The following STAM2 variants were observed in gnomAD, a reference collection of about 807,000 sequenced individuals.
The protein encoded by STAM2 is signal transducing adapter molecule 2.
In STAM2, 51 loss-of-function variants were observed where a neutral mutation model predicts 65.6. The ratio of observed to expected loss-of-function variants is 0.78; its 90% CI spans 0.62 to 0.98. The LOEUF (loss-of-function observed/expected upper bound fraction) is 0.98. Ranked by LOEUF, STAM2 falls within the 50% of genes least tolerant of loss-of-function variation. The probability of loss-of-function intolerance (pLI) is 0.00; values close to 1 mark genes in which losing one functional copy is unlikely to be tolerated. For missense variants in STAM2, 584 were observed against 617.8 expected (o/e 0.95, Z 0.58); for synonymous variants, 198 against 208.4 (o/e 0.95, Z 0.43).
chr2:152,125,433 C>T (rs1688946869), intron 12 of STAM2, among the ~76,000 whole-genome samples: 2 of 152,184 alleles, frequency 1.3e-5, no homozygotes, highest in Non-Finnish European at 2.9e-5. Context: ...TGCACCTTTA[C>T]ATACCAGTTT....
chr2:152,129,825 A>T (rs1333905859), intron 11 of STAM2, among the ~76,000 whole-genome samples: 1 of 152,240 alleles, frequency 6.6e-6, no homozygotes, highest in Non-Finnish European at 1.5e-5. Context: ...CGAGATATTT[A>T]ATGCTTTCTC....
chr2:152,122,074 A>ATGTGTGTGTGTG (rs1255769897), intron 13 of STAM2, among the ~76,000 whole-genome samples: 51 of 135,612 alleles, frequency 3.8e-4, no homozygotes, highest in African/African-American at 9.2e-4. Context: ...ATATATATAT[A>ATGTGTGTGTGTG]TATGTGTGTG....
Position 152,120,608 on chromosome 2 carries a change from T to C in STAM2, c.1544A>G (p.Gln515Arg), listed in dbSNP as rs1688833316. The C allele has an allele frequency of 1.9e-6, 3 of 1,614,026 alleles. No homozygotes were observed. The highest frequency in any genetic ancestry group is 2.7e-5 in the African/African-American group (2 of 74,916). ...AGGCTGCTGATGGTAATTTGTGTGCTGCTGTGCAACTGGATGAGCTGGAAC... is the reference window on the plus strand; with the variant it reads ...AGGCTGCTGATGGTAATTTGTGTGCCGCTGTGCAACTGGATGAGCTGGAAC... ...VTVPAHPVAQ[Q>R]HTNYHQQPLL The change falls in exon 14 of 14, where the codon CAG (glutamine) becomes CGG (arginine). Residue 515 changes from glutamine to arginine, a missense_variant. Physicochemically the swap from Gln to Arg is conservative, Grantham distance 43. Transcript: ENST00000263904.
chr2:152,139,478 G>A (rs1217355365), intron 7 of STAM2, among the ~76,000 whole-genome samples: 1 of 152,152 alleles, frequency 6.6e-6, no homozygotes, highest in African/African-American at 2.4e-5. Flanking sequence ...GCCTGCTTGA[G>A]GCCAGGAGTC....
intron 13 of STAM2, among the ~76,000 whole-genome samples, chr2:152,121,949 G>A (rs1688860420): frequency 6.6e-6 from 1 of 151,936 alleles, no homozygotes; most frequent in Non-Finnish European, 1.5e-5. Flanking sequence ...TCAGGAGGCT[G>A]AGGCAAGAGA....
At chr2:152,161,470 C>T (rs867769423) in intron 1 of STAM2, among the ~76,000 whole-genome samples, 4 of 132,312 alleles carry the variant, frequency 3.0e-5, no homozygotes, top group Non-Finnish European at 4.7e-5. Flanking sequence ...TCCCCCTCTG[C>T]GAGAAACACC....
In STAM2 at chr2:152,175,578, G is replaced by C. The variant is rs369842805; in HGVS notation, c.40+25C>G. ...GCAGTCCAGGGCCAGGCACACAGCA[G>C]TCCAGGACCGGGCACAGCACTCACC... On this transcript the variant is annotated intron_variant, in intron 1 of 13. Transcript: ENST00000263904. 1.1e-5 allele frequency: 18 copies of C among 1,613,884 alleles called. No individual in the cohort carries two copies. The African/African-American group carries it at 2.4e-4, about 22-fold the overall frequency.
At chr2:152,158,696 G>T (rs1689598985) in intron 1 of STAM2, among the ~76,000 whole-genome samples, 1 of 152,066 alleles carries the variant, frequency 6.6e-6, no homozygotes, top group Non-Finnish European at 1.5e-5. Context: ...AGTTCGTAAA[G>T]AACAGAAATT....
chr2:152,126,370 T>C lies in STAM2; in HGVS notation c.1035A>G (p.Ser345=). Reference sequence around the variant, plus strand: ...CTTTAACATTCAATTCAGACAATTCTGAATGCTTCCTGATGTAGAAGAAAA... The same window carrying C: ...CTTTAACATTCAATTCAGACAATTCCGAATGCTTCCTGATGTAGAAGAAAA... ...EKLEEIDRKH[S]ELSELNVKVL... The change falls in exon 12 of 14, where the codon TCA becomes TCG. Residue 345 remains serine (S), a synonymous_variant. Transcript: ENST00000263904. 2.6e-6 allele frequency: 4 copies of C among 1,558,914 alleles called. No homozygotes were observed. Among genetic ancestry groups the C allele is most frequent in the Non-Finnish European group, 3.5e-6 (4 of 1,154,552 alleles).
chr2:152,142,813 G>A (rs1386904007), intron 7 of STAM2, among the ~76,000 whole-genome samples: 3 of 152,162 alleles, frequency 2.0e-5, no homozygotes, highest in African/African-American at 4.8e-5. Context: ...TTTTCTAAGT[G>A]AAGATGGTAC....
chr2:152,144,907 C>T lies in STAM2; in HGVS notation c.498G>A (p.Glu166=). The T allele has an allele frequency of 6.2e-7, 1 of 1,613,876 alleles. No homozygotes were observed. Among genetic ancestry groups the T allele is most frequent in the Non-Finnish European group, 8.5e-7 (1 of 1,179,810 alleles). The part of the protein sequence containing the change: ...KNGTSSNKNK[E]DEDIAKAIEL... ...ATTTACCTTTAGCTATGTCTTCATC[C>T]TCTTTGTTTTTGTTCGATGACGTAC... Residue 166 remains glutamate, a synonymous_variant, in exon 6 of 14, where the codon GAG becomes GAA. Coordinates refer to ENST00000263904, the MANE Select transcript of STAM2 (RefSeq NM_005843.6).
At chr2:152,122,525 C>T (rs4664530) in intron 13 of STAM2, among the ~76,000 whole-genome samples, 35,363 of 152,020 alleles carry the variant, frequency 0.23, 4,205 homozygotes, top group Admixed American at 0.31. Context: ...TTTTTCTCCA[C>T]AGTTCCTAGT....
intron 1 of STAM2, among the ~76,000 whole-genome samples, chr2:152,155,574 T>C (rs1255137238): frequency 6.6e-6 from 1 of 152,226 alleles, no homozygotes; most frequent in African/African-American, 2.4e-5. Context: ...GGGAAGGCAA[T>C]GCTTCAAAAG....
chr2:152,167,605 G>A (rs1459183541), intron 1 of STAM2, among the ~76,000 whole-genome samples: 1 of 152,082 alleles, frequency 6.6e-6, no homozygotes, highest in African/African-American at 2.4e-5. Context: ...TAAAGACTTT[G>A]TAACTTAGGC....
chr2:152,164,722 T>C (rs1214166497), intron 1 of STAM2, among the ~76,000 whole-genome samples: 1 of 152,188 alleles, frequency 6.6e-6, no homozygotes, highest in Non-Finnish European at 1.5e-5. Flanking sequence ...GATCAGTCAT[T>C]GCCATTCTAT....
chr2:152,160,810 G>A (rs563654902), intron 1 of STAM2, among the ~76,000 whole-genome samples: 10 of 137,988 alleles, frequency 7.2e-5, no homozygotes, highest in South Asian at 2.3e-4. Context: ...CAGCCGCCCC[G>A]TCCGGGAAGG....
chr2:152,151,601 G>GA (rs1251030137), intron 1 of STAM2, among the ~76,000 whole-genome samples: 3 of 152,178 alleles, frequency 2.0e-5, no homozygotes. Flanking sequence ...ACTAACACCA[G>GA]TATCTAATTT....
intron 1 of STAM2, among the ~76,000 whole-genome samples, chr2:152,150,692 G>C (rs1054940342): frequency 6.6e-6 from 1 of 152,146 alleles, no homozygotes; most frequent in African/African-American, 2.4e-5. Context: ...TGTAATCTTA[G>C]CTACTTGGGA....
rs554694391 is a variant in STAM2 at position 152,118,448 on chromosome 2, A to T, written c.*2126T>A. ...ATGTGCCAATATATACTATATATTT[A>T]TATATATATATATGTGTCATGTTTT... On this transcript the variant is annotated 3_prime_UTR_variant, in exon 14 of 14. Transcript: ENST00000263904. The T allele has an allele frequency of 1.1e-4, 16 of 146,456 alleles. No individual in the cohort carries two copies. The highest frequency in any genetic ancestry group is 1.6e-4 in the Non-Finnish European group (11 of 66,744). The allele number at this position is 146,456 out of a possible 1,614,324, so 9.1% of individuals were successfully genotyped here. A position where few individuals can be genotyped will look rare whatever the true frequency, so the allele number is the denominator to read the frequency against.
Sources: gnomAD v4.1 joint callset for allele counts (sites outside exome capture counted in the v4.1 genomes callset) on GRCh38, gnomAD v4.1.1 for gene constraint, MANE v1.5 for transcripts, NCBI Gene and HGNC (gene_info 2026-07-23, HGNC 2026-07-21) for gene names.